The following CFAP47 variants were observed in gnomAD, a reference collection of about 807,000 sequenced individuals.
CFAP47 encodes the protein cilia- and flagella-associated protein 47.
CFAP47 carries 29 observed loss-of-function variants against 148.1 expected under a neutral mutation model. The observed-to-expected ratio is 0.20, with a 90% CI of 0.15 to 0.27. CFAP47 has a LOEUF of 0.27. Among genes scored for constraint, CFAP47 ranks in the 10% least tolerant of loss-of-function variants. The pLI is 1.00. For synonymous variants in CFAP47, 664 were observed against 577.3 expected (o/e 1.15, Z -2.15); for missense variants, 1,872 against 1,697.5 (o/e 1.10, Z -1.81).
At position 36,009,972 on chromosome X, in the gene CFAP47, A is replaced by G. The variant is rs140085669; in HGVS notation, c.3418-4802A>G. Reference sequence around the variant, plus strand: ...CCCTTTTCACATTTAAAATATTCACATTCTTGCCTGTTTTCTACCTCCCAC... The same window carrying G: ...CCCTTTTCACATTTAAAATATTCACGTTCTTGCCTGTTTTCTACCTCCCAC... On this transcript the variant is annotated intron_variant, in intron 21 of 63. Coordinates refer to ENST00000378653, the MANE Select transcript of CFAP47 (RefSeq NM_001304548.2). Among the ~76,000 whole-genome samples, 45 of 111,310 alleles carry G rather than the reference A, an allele frequency of 4.0e-4. 1 individual carries two copies. In the East Asian group the frequency reaches 0.011, roughly 28 times the overall value.
In CFAP47 at chrX:35,951,979, T is replaced by C; in HGVS notation, c.1046+16T>C. ...TCACCCCAAAGTAAGCAAAAATTAA[T>C]TTCATTGTAATGTTAAATATTAATG... On this transcript the variant is annotated intron_variant, in intron 6 of 63. Coordinates refer to ENST00000378653, the MANE Select transcript of CFAP47 (RefSeq NM_001304548.2). The C allele has an allele frequency of 8.7e-7, 1 of 1,146,810 alleles. No individual in the cohort carries two copies. The highest frequency in any genetic ancestry group is 1.1e-6 in the Non-Finnish European group (1 of 869,580). The allele number at this position is 1,146,810 out of a possible 1,213,427, so 94.5% of individuals were successfully genotyped here.
chrX:36,271,619 A>T (rs1940960239), intron 49 of CFAP47, among the ~76,000 whole-genome samples: 2 of 111,992 alleles, frequency 1.8e-5, no homozygotes, highest in Non-Finnish European at 3.8e-5. Flanking sequence ...CTATTCATGG[A>T]TTTCAAAATA....
At chrX:36,176,780 C>G (rs1309076118) in intron 39 of CFAP47, among the ~76,000 whole-genome samples, 1 of 111,892 alleles carries the variant, frequency 8.9e-6, no homozygotes, top group East Asian at 2.8e-4. Context: ...TGGCATGCAC[C>G]TGTAATCCCA....
intron 35 of CFAP47, among the ~76,000 whole-genome samples, chrX:36,140,509 TG>T (rs1276374791): frequency 1.9e-5 from 2 of 105,867 alleles, no homozygotes; most frequent in African/African-American, 7.7e-5. Context: ...ATTTGATGAA[TG>T]AAGTAATTGA....
chrX:36,114,751 C>A (rs1435182243), intron 33 of CFAP47, among the ~76,000 whole-genome samples: 1 of 111,470 alleles, frequency 9.0e-6, no homozygotes, highest in East Asian at 2.8e-4. Flanking sequence ...GAGGTGCTCC[C>A]AGACTGCTGG....
At chrX:36,038,350 G>A (rs761594549) in intron 24 of CFAP47, among the ~76,000 whole-genome samples, 1 of 111,719 alleles carries the variant, frequency 9.0e-6, no homozygotes, top group Non-Finnish European at 1.9e-5. Flanking sequence ...GATGTGAAAG[G>A]GTATTGATCA....
intron 49 of CFAP47, among the ~76,000 whole-genome samples, chrX:36,273,865 G>T (rs1336005698): frequency 3.6e-5 from 4 of 110,439 alleles, no homozygotes; most frequent in African/African-American, 1.3e-4. Context: ...ATACGTAAAA[G>T]GAAAAGAAAA....
chrX:36,319,244 T>A lies in CFAP47; in HGVS notation c.8380T>A (p.Cys2794Ser). The change falls in exon 57 of 64, where the codon TGC (cysteine) becomes AGC (serine). Residue 2794 changes from cysteine (C) to serine (S), a missense_variant. By Grantham distance (112) the Cys-to-Ser change is moderately radical. Transcript: ENST00000378653. ...EHPRNLVMDH[C>S]WDSFIYESSA... ...TCCCAGGAATCTTGTCATGGATCAT[T>A]GCTGGGATAGCTTCATCTATGAGAG... The A allele has an allele frequency of 4.4e-6, 5 of 1,133,452 alleles. No individual in the cohort carries two copies. The highest frequency in any genetic ancestry group is 5.9e-6 in the Non-Finnish European group (5 of 850,497). 93.4% of individuals were successfully genotyped at this position (1,133,452 alleles called of 1,213,427 possible).
In CFAP47 at chrX:35,951,232, A is replaced by T. The variant is rs751050556; in HGVS notation, c.758A>T (p.Glu253Val). ...AGCATGAGTAGTGACAGAAGGCTGG[A>T]ATGCATACACTTTGGTCCTGTTTTC... is the stretch of plus-strand genomic sequence containing the variant. ...LLSMSSDRRL[E>V]CIHFGPVFFG... Residue 253 changes from glutamate (E) to valine (V), a missense_variant, in exon 5 of 64, where the codon GAA becomes GTA. By Grantham distance (121) the Glu-to-Val change is moderately radical. Transcript: ENST00000378653. The T allele has an allele frequency of 3.3e-6, 4 of 1,206,989 alleles. No homozygotes were observed. In the Admixed American group the frequency reaches 6.6e-5, roughly 20 times the overall value.
intron 39 of CFAP47, among the ~76,000 whole-genome samples, chrX:36,176,078 C>T (rs939030535): frequency 8.9e-6 from 1 of 112,976 alleles, no homozygotes; most frequent in Non-Finnish European, 1.9e-5. Flanking sequence ...TGCCGTCTGT[C>T]ACCCCTTTCT....
chrX:35,955,233 C>T (rs1283740953), intron 7 of CFAP47, among the ~76,000 whole-genome samples: 1 of 111,935 alleles, frequency 8.9e-6, no homozygotes, highest in East Asian at 2.8e-4. Flanking sequence ...ACCGGCTCCT[C>T]CTTCAGTCTC....
chrX:35,981,425 A>C (rs1289947750), intron 15 of CFAP47, among the ~76,000 whole-genome samples: 1 of 108,744 alleles, frequency 9.2e-6, no homozygotes, highest in Non-Finnish European at 1.9e-5. Flanking sequence ...AAAGTAGCTT[A>C]AATCCAGAGA....
intron 26 of CFAP47, among the ~76,000 whole-genome samples, chrX:36,047,867 A>G (rs1395258226): frequency 8.9e-6 from 1 of 112,020 alleles, no homozygotes; most frequent in Non-Finnish European, 1.9e-5. Flanking sequence ...TCCCATTTCA[A>G]TCATCAGCAG....
At chrX:36,019,104 G>C (rs1937129581) in intron 22 of CFAP47, among the ~76,000 whole-genome samples, 2 of 111,527 alleles carry the variant, frequency 1.8e-5, no homozygotes, top group Admixed American at 1.9e-4. Context: ...GGGGGGGTCT[G>C]TCCCTTGCAG....
At chrX:36,051,083 T>C (rs1179316631) in intron 26 of CFAP47, among the ~76,000 whole-genome samples, 1 of 112,152 alleles carries the variant, frequency 8.9e-6, no homozygotes, top group Non-Finnish European at 1.9e-5. Flanking sequence ...GGCAGCAGTT[T>C]GCTGCAGGGT....
intron 61 of CFAP47, among the ~76,000 whole-genome samples, chrX:36,363,686 A>C: frequency 8.9e-6 from 1 of 112,138 alleles, no homozygotes; most frequent in South Asian, 3.6e-4. Flanking sequence ...AAGAACATTT[A>C]TGTGTTTTGA....
intron 3 of CFAP47, among the ~76,000 whole-genome samples, chrX:35,944,706 T>G (rs1282982955): frequency 8.9e-6 from 1 of 111,829 alleles, no homozygotes; most frequent in Non-Finnish European, 1.9e-5. Flanking sequence ...TCCTAAAAAT[T>G]TTTTCAAGGA....
In CFAP47 at chrX:36,085,371, A is replaced by G. The variant is rs1440306218; in HGVS notation, c.4749A>G (p.Arg1583=). 2 of 1,208,424 alleles carry G rather than the reference A, an allele frequency of 1.7e-6. No homozygotes were observed. The highest frequency in any genetic ancestry group is 5.9e-5 in the East Asian group (2 of 33,732). The change falls in exon 30 of 64, where the codon AGA becomes AGG. Residue 1583 remains arginine, a synonymous_variant. Transcript: ENST00000378653. Reference sequence around the variant, plus strand: ...CCTCGCCACCCCAAAAGTTTTCCAGACAGAATGACTTTTCCAAATATAATA... The same window carrying G: ...CCTCGCCACCCCAAAAGTTTTCCAGGCAGAATGACTTTTCCAAATATAATA... ...SSTSPPQKFS[R]QNDFSKYNKT...
At chrX:36,247,949 A>T (rs1357061718) in intron 48 of CFAP47, among the ~76,000 whole-genome samples, 3 of 110,829 alleles carry the variant, frequency 2.7e-5, no homozygotes, top group African/African-American at 9.8e-5. Flanking sequence ...AAAGTAAAAC[A>T]TATACCATGA....
Sources: gnomAD v4.1 joint callset for allele counts (sites outside exome capture counted in the v4.1 genomes callset) on GRCh38, gnomAD v4.1.1 for gene constraint, MANE v1.5 for transcripts, NCBI Gene and HGNC (gene_info 2026-07-23, HGNC 2026-07-21) for gene names.